RABGAP1L: variants seen among roughly 807,000 people sequenced by gnomAD.
RABGAP1L encodes rab GTPase-activating protein 1-like.
In RABGAP1L, 63 loss-of-function variants were observed where a neutral mutation model predicts 137.7. The observed-to-expected ratio is 0.46, with a 90% CI of 0.37 to 0.56. The LOEUF (loss-of-function observed/expected upper bound fraction) is 0.56. Among genes scored for constraint, RABGAP1L ranks in the 20% least tolerant of loss-of-function variants. The pLI is 0.00. For synonymous variants in RABGAP1L, 431 were observed against 433.7 expected (o/e 0.99, Z 0.08); for missense variants, 1,095 against 1,244.0 (o/e 0.88, Z 1.80).
chr1:174,477,963 G>A (rs1658676296), intron 13 of RABGAP1L, among the ~76,000 whole-genome samples: 1 of 151,998 alleles, frequency 6.6e-6, no homozygotes, highest in Non-Finnish European at 1.5e-5. Flanking sequence ...TCTCATAGGT[G>A]AGTGGTAATA....
At chr1:174,647,929 T>C (rs1422904992) in intron 14 of RABGAP1L, among the ~76,000 whole-genome samples, 1 of 152,132 alleles carries the variant, frequency 6.6e-6, no homozygotes, top group Non-Finnish European at 1.5e-5. Context: ...CCTGGTTTAG[T>C]CTTGGGAGGG....
chr1:174,512,625 G>C (rs918447471), intron 13 of RABGAP1L, among the ~76,000 whole-genome samples: 3 of 152,168 alleles, frequency 2.0e-5, no homozygotes, highest in African/African-American at 7.2e-5. Flanking sequence ...CACACTGTAA[G>C]CCTTCACTCT....
intron 14 of RABGAP1L, among the ~76,000 whole-genome samples, chr1:174,675,035 G>C (rs1677504741): frequency 6.6e-6 from 1 of 151,788 alleles, no homozygotes; most frequent in Non-Finnish European, 1.5e-5. Flanking sequence ...CCATTTTGTA[G>C]GTTGCCTGTT....
intron 5 of RABGAP1L, among the ~76,000 whole-genome samples, chr1:174,246,761 A>C (rs1181918182): frequency 6.6e-6 from 1 of 152,176 alleles, no homozygotes; most frequent in Non-Finnish European, 1.5e-5. Flanking sequence ...TCCTAGAAAC[A>C]ATTCCCCATG....
chr1:174,756,170 G>T (rs1243643012), intron 18 of RABGAP1L, among the ~76,000 whole-genome samples: 3 of 152,010 alleles, frequency 2.0e-5, no homozygotes, highest in Non-Finnish European at 4.4e-5. Flanking sequence ...TTATTTTGAG[G>T]CAGAGTCTGG....
intron 19 of RABGAP1L, among the ~76,000 whole-genome samples, chr1:174,829,266 G>A (rs1691868680): frequency 6.8e-6 from 1 of 148,132 alleles, no homozygotes; most frequent in African/African-American, 2.5e-5. Context: ...AATACTTCTG[G>A]TAATAAACAG....
chr1:174,990,720 T>C lies in RABGAP1L; in HGVS notation c.*719T>C, dbSNP rs980036875. On this transcript the variant is annotated 3_prime_UTR_variant, in exon 26 of 26. Transcript: ENST00000681986. ...AACAGATCCTTTTAAGAATGCCACA[T>C]AGGACTTGTGAGTTCCTAAGTACAC... is the stretch of plus-strand genomic sequence containing the variant. 2.0e-5 allele frequency: 3 copies of C among 152,244 alleles called. No homozygotes were observed. The highest frequency in any genetic ancestry group is 7.2e-5 in the African/African-American group (3 of 41,458). 9.4% of individuals were successfully genotyped at this position (152,244 alleles called of 1,614,324 possible).
At chr1:174,540,598 G>A (rs1292211053) in intron 13 of RABGAP1L, among the ~76,000 whole-genome samples, 2 of 152,102 alleles carry the variant, frequency 1.3e-5, no homozygotes, top group Non-Finnish European at 2.9e-5. Flanking sequence ...GAGATCAGAT[G>A]GTTGTAGATG....
chr1:174,360,272 A>G (rs747079251), intron 11 of RABGAP1L, among the ~76,000 whole-genome samples: 1 of 152,076 alleles, frequency 6.6e-6, no homozygotes, highest in Non-Finnish European at 1.5e-5. Context: ...GCTTATCATT[A>G]TGCATACTTA....
At chr1:174,722,080 C>T (rs1021968596) in intron 17 of RABGAP1L, among the ~76,000 whole-genome samples, 5 of 152,030 alleles carry the variant, frequency 3.3e-5, no homozygotes, top group East Asian at 1.9e-4. Context: ...TACAGGCATG[C>T]GCCACCATGC....
intron 17 of RABGAP1L, among the ~76,000 whole-genome samples, chr1:174,724,709 A>G (rs533199228): frequency 6.6e-6 from 1 of 152,334 alleles, no homozygotes; most frequent in South Asian, 2.1e-4. Context: ...CTATAGTGCT[A>G]ATACACTAAT....
In RABGAP1L at chr1:174,655,566, G is replaced by A. The variant is rs189627798; in HGVS notation, c.1824+18078G>A. On this transcript the variant is annotated intron_variant, in intron 14 of 25. Coordinates refer to ENST00000681986, the MANE Select transcript of RABGAP1L (RefSeq NM_001366446.1). ...TGATTAGTGTGATCACATTAATAAG[G>A]TGTGTCTACCAGGCTACTCCACGAT... 2.8e-3 allele frequency among the ~76,000 whole-genome samples: 422 copies of A among 152,196 alleles called. 1 individual carries two copies. The highest frequency in any genetic ancestry group is 4.6e-3 in the Non-Finnish European group (310 of 68,004).
chr1:174,937,234 C>T (rs1310700544), intron 19 of RABGAP1L, among the ~76,000 whole-genome samples: 2 of 151,426 alleles, frequency 1.3e-5, no homozygotes, highest in African/African-American at 2.4e-5. Flanking sequence ...CCGCTTCGGC[C>T]TCCCAAAGTG....
chr1:174,334,029 C>G (rs1320622658), intron 11 of RABGAP1L, among the ~76,000 whole-genome samples: 2 of 152,216 alleles, frequency 1.3e-5, no homozygotes, highest in East Asian at 3.8e-4. Flanking sequence ...GCTCTGCACA[C>G]ACTCAGGAGA....
At chr1:174,781,834 A>G (rs1233881652) in intron 18 of RABGAP1L, among the ~76,000 whole-genome samples, 1 of 152,026 alleles carries the variant, frequency 6.6e-6, no homozygotes, top group East Asian at 1.9e-4. Context: ...TCCTTTCCCC[A>G]TTTCTTGTTT....
intron 11 of RABGAP1L, among the ~76,000 whole-genome samples, chr1:174,355,505 C>T (rs1179295704): frequency 6.6e-6 from 1 of 150,722 alleles, no homozygotes; most frequent in South Asian, 2.1e-4. Flanking sequence ...GGAGATATAC[C>T]TAATGCTAAA....
At chr1:174,232,568 G>T (rs539901061) in intron 4 of RABGAP1L, among the ~76,000 whole-genome samples, 1 of 151,846 alleles carries the variant, frequency 6.6e-6, no homozygotes, top group Non-Finnish European at 1.5e-5. Context: ...TGGATCACGA[G>T]GTCAGGAGAT....
At chr1:174,468,692 A>T (rs1285195567) in intron 13 of RABGAP1L, among the ~76,000 whole-genome samples, 1 of 151,928 alleles carries the variant, frequency 6.6e-6, no homozygotes, top group Non-Finnish European at 1.5e-5. Flanking sequence ...GAAATCATAG[A>T]CACTACATCT....
intron 13 of RABGAP1L, among the ~76,000 whole-genome samples, chr1:174,585,872 C>G (rs1023802202): frequency 6.6e-6 from 1 of 152,074 alleles, no homozygotes; most frequent in Non-Finnish European, 1.5e-5. Context: ...ATCATGTGTG[C>G]ATGTCTATGT....
Sources: allele counts gnomAD v4.1 joint callset (sites outside exome capture counted in the v4.1 genomes callset), GRCh38; gene constraint gnomAD v4.1.1; transcripts MANE v1.5; gene names NCBI Gene and HGNC (gene_info 2026-07-23, HGNC 2026-07-21).